The following MYO3B variants were observed in gnomAD, a reference collection of about 807,000 sequenced individuals.
The protein encoded by MYO3B is myosin IIIB.
In MYO3B, 156 loss-of-function variants were observed where a neutral mutation model predicts 174.6. The observed-to-expected ratio is 0.89, with a 90% CI of 0.78 to 1.02. MYO3B has a LOEUF of 1.02. Among genes scored for constraint, MYO3B ranks in the 50% least tolerant of loss-of-function variants. The pLI is 0.00. For synonymous variants in MYO3B, 563 were observed against 569.1 expected (o/e 0.99, Z 0.15); for missense variants, 1,632 against 1,639.4 (o/e 1.00, Z 0.08).
chr2:170,487,226 T>G (rs186425508), intron 25 of MYO3B, among the ~76,000 whole-genome samples: 1 of 152,376 alleles, frequency 6.6e-6, no homozygotes, highest in Admixed American at 6.5e-5. Flanking sequence ...TTCATCACTA[T>G]CTTGGTTGCT....
At chr2:170,242,180 G>C (rs368342095) in intron 7 of MYO3B, among the ~76,000 whole-genome samples, 70 of 152,198 alleles carry the variant, frequency 4.6e-4, no homozygotes, top group South Asian at 1.7e-3. Context: ...GAATCCCCAC[G>C]ATCCAAGCTT....
intron 9 of MYO3B, among the ~76,000 whole-genome samples, chr2:170,371,463 C>T (rs2105693830): frequency 6.6e-6 from 1 of 152,076 alleles, no homozygotes; most frequent in East Asian, 1.9e-4. Context: ...GGTATCAACA[C>T]TTTAAACAGA....
intron 7 of MYO3B, among the ~76,000 whole-genome samples, chr2:170,266,414 G>A (rs2093383742): frequency 6.6e-6 from 1 of 152,124 alleles, no homozygotes; most frequent in Non-Finnish European, 1.5e-5. Flanking sequence ...TTTGTTGCTG[G>A]TTATGGGCTA....
intron 7 of MYO3B, among the ~76,000 whole-genome samples, chr2:170,278,961 C>T (rs543600781): frequency 6.6e-6 from 1 of 152,016 alleles, no homozygotes; most frequent in Non-Finnish European, 1.5e-5. Flanking sequence ...GGATTTTATT[C>T]TTTTTTTATG....
chr2:170,549,138 A>AAAG (rs1023106816), intron 32 of MYO3B, among the ~76,000 whole-genome samples: 50 of 152,300 alleles, frequency 3.3e-4, no homozygotes, highest in African/African-American at 1.2e-3. Context: ...TTCTTAATGT[A>AAAG]AAGTACACAA....
At chr2:170,235,630 T>C (rs540992865) in intron 6 of MYO3B, among the ~76,000 whole-genome samples, 1 of 152,352 alleles carries the variant, frequency 6.6e-6, no homozygotes, top group Admixed American at 6.5e-5. Flanking sequence ...TTGCTTGTTA[T>C]TGAATTCAGT....
At chr2:170,310,399 A>C (rs867306623) in intron 7 of MYO3B, among the ~76,000 whole-genome samples, 1 of 152,184 alleles carries the variant, frequency 6.6e-6, no homozygotes, top group African/African-American at 2.4e-5. Flanking sequence ...GCAGTGGCTC[A>C]TGCCTGTGAT....
chr2:170,320,758 GAC>G (rs1487800784), intron 7 of MYO3B, among the ~76,000 whole-genome samples: 6 of 151,886 alleles, frequency 4.0e-5, no homozygotes, highest in Non-Finnish European at 7.4e-5. Context: ...AAGTAGTACA[GAC>G]AACATTCTCT....
chr2:170,609,826 C>T (rs530363562), intron 32 of MYO3B, among the ~76,000 whole-genome samples: 30 of 152,304 alleles, frequency 2.0e-4, no homozygotes, highest in African/African-American at 5.5e-4. Context: ...GAACTTCAGC[C>T]CTGCCTGGGT....
intron 32 of MYO3B, among the ~76,000 whole-genome samples, chr2:170,576,153 C>G (rs896814469): frequency 6.6e-6 from 1 of 152,174 alleles, no homozygotes; most frequent in African/African-American, 2.4e-5. Flanking sequence ...AAAGGGGATG[C>G]AGCAGTATCC....
chr2:170,405,426 A>C, intron 20 of MYO3B, 119 bp from the exon 21 acceptor site: 1 of 776,186 alleles, frequency 1.3e-6, no homozygotes, highest in Non-Finnish European at 2.1e-6. Context: ...ACCCTTGTTA[A>C]TATCAAGGCC....
At chr2:170,340,055 GAT>G (rs1332875174) in intron 8 of MYO3B, 1 of 152,158 alleles carries the variant, frequency 6.6e-6, no homozygotes. Flanking sequence ...CTTTTGATAA[GAT>G]AAAAATAATT....
At chr2:170,312,510 T>C (rs1157047429) in intron 7 of MYO3B, among the ~76,000 whole-genome samples, 1 of 152,230 alleles carries the variant, frequency 6.6e-6, no homozygotes, top group African/African-American at 2.4e-5. Flanking sequence ...TAGGCAAGGG[T>C]TCTGACCCCA....
chr2:170,426,958 C>T (rs1025705817), intron 22 of MYO3B, among the ~76,000 whole-genome samples: 1 of 151,848 alleles, frequency 6.6e-6, no homozygotes, highest in African/African-American at 2.4e-5. Context: ...GCGGAGGATG[C>T]AGTCAGCCGA....
chr2:170,329,854 C>A (rs1048368253), intron 7 of MYO3B, among the ~76,000 whole-genome samples: 1 of 152,180 alleles, frequency 6.6e-6, no homozygotes, highest in Non-Finnish European at 1.5e-5. Flanking sequence ...ACACGACTAA[C>A]TATTCAACTT....
chr2:170,461,775 T>TA (rs5836280), intron 23 of MYO3B, among the ~76,000 whole-genome samples: 14 of 144,884 alleles, frequency 9.7e-5, no homozygotes, highest in African/African-American at 2.5e-4. Flanking sequence ...AAACTCCGTT[T>TA]AAAAAAAAAA....
chr2:170,198,084 A>G (rs1177322754), intron 1 of MYO3B, among the ~76,000 whole-genome samples: 1 of 149,456 alleles, frequency 6.7e-6, no homozygotes, highest in Non-Finnish European at 1.5e-5. Flanking sequence ...ATGATCAGAA[A>G]TTTATCAGGA....
intron 8 of MYO3B, among the ~76,000 whole-genome samples, chr2:170,349,055 A>C (rs773701819): frequency 6.6e-6 from 1 of 152,186 alleles, no homozygotes; most frequent in African/African-American, 2.4e-5. Flanking sequence ...TGCCCTACTC[A>C]TAATTATTCT....
chr2:170,596,378 G>A (rs1021205141), intron 32 of MYO3B, among the ~76,000 whole-genome samples: 8 of 152,154 alleles, frequency 5.3e-5, no homozygotes, highest in Non-Finnish European at 1.2e-4. Flanking sequence ...CCTGGTAGGT[G>A]GTCCCTGTTT....
Sources: gnomAD v4.1 joint callset for allele counts (sites outside exome capture counted in the v4.1 genomes callset) on GRCh38, gnomAD v4.1.1 for gene constraint, MANE v1.5 for transcripts, NCBI Gene and HGNC (gene_info 2026-07-23, HGNC 2026-07-21) for gene names.